TNFRSF21: variants seen among roughly 807,000 people sequenced by gnomAD.
TNFRSF21 encodes TNF receptor superfamily member 21.
Under a neutral mutation model 45.6 loss-of-function variants are expected in TNFRSF21, and 19 were observed. The ratio of observed to expected loss-of-function variants is 0.42; its 90% CI spans 0.29 to 0.61. The LOEUF is 0.61. Among genes scored for constraint, TNFRSF21 ranks in the 20% least tolerant of loss-of-function variants. The probability of loss-of-function intolerance (pLI) is 0.23; values close to 1 mark genes in which losing one functional copy is unlikely to be tolerated. For missense variants in TNFRSF21, 737 were observed against 851.5 expected, an observed-to-expected ratio of 0.87 and a Z score of 1.67; for synonymous variants, 314 against 335.5, an observed-to-expected ratio of 0.94 and a Z score of 0.70.
At chr6:47,243,697 T>C (rs1764782167) in intron 4 of TNFRSF21, among the ~76,000 whole-genome samples, 1 of 152,140 alleles carries the variant, frequency 6.6e-6, no homozygotes, top group Admixed American at 6.5e-5. Context: ...AGATTATAGG[T>C]GTGAGCCACT....
chr6:47,259,622 TC>T (rs1436897938), intron 3 of TNFRSF21, among the ~76,000 whole-genome samples: 1 of 152,068 alleles, frequency 6.6e-6, no homozygotes, highest in Non-Finnish European at 1.5e-5. Context: ...TGATCCACCT[TC>T]CTAGGCTTCC....
chr6:47,309,313 C>A, intron 1 of TNFRSF21, 103 bp downstream of exon 1: 1 of 1,422,156 alleles, frequency 7.0e-7, no homozygotes. Flanking sequence ...TCGGCCGGGC[C>A]CCGCGCCTCC....
At chr6:47,283,792 T>G in intron 3 of TNFRSF21, 146 bp downstream of exon 3, 1 of 1,035,220 alleles carries the variant, frequency 9.7e-7, no homozygotes, top group South Asian at 1.7e-5. Context: ...GGTCAATCTC[T>G]TTTTCTATAA....
At chr6:47,268,494 G>C (rs564565115) in intron 3 of TNFRSF21, among the ~76,000 whole-genome samples, 1 of 152,294 alleles carries the variant, frequency 6.6e-6, no homozygotes, top group African/African-American at 2.4e-5. Flanking sequence ...TTCAAGGAAA[G>C]GAGGCATAAA....
chr6:47,234,244 T>G (rs1464699850), intron 5 of TNFRSF21, among the ~76,000 whole-genome samples: 1 of 152,204 alleles, frequency 6.6e-6, no homozygotes, highest in Non-Finnish European at 1.5e-5. Context: ...TCCAAAGTGC[T>G]CGGATTACAG....
intron 3 of TNFRSF21, among the ~76,000 whole-genome samples, chr6:47,266,138 C>T (rs1456003672): frequency 6.6e-6 from 1 of 152,124 alleles, no homozygotes; most frequent in African/African-American, 2.4e-5. Context: ...CATTGCAAAT[C>T]GACTCCCACT....
At position 47,284,283 on chromosome 6, in the gene TNFRSF21, G is replaced by A. The variant is rs768688596; in HGVS notation, c.898C>T (p.His300Tyr). 1.2e-6 allele frequency: 2 copies of A among 1,611,268 alleles called. No homozygotes were observed. The highest frequency in any genetic ancestry group is 2.2e-5 in the South Asian group (2 of 90,496). The change falls in exon 3 of 6, where the codon CAC becomes TAC. Residue 300 changes from histidine (H) to tyrosine (Y), a missense_variant. By Grantham distance (83) the His-to-Tyr change is moderately conservative (BLOSUM62 2). Transcript: ENST00000296861. ...TGTCTGTGGTGGGGGCCTTGCTGGTGGTTGACTACCTGAAGGTTTGGGAGG... is the reference window on the plus strand; with the variant it reads ...TGTCTGTGGTGGGGGCCTTGCTGGTAGTTGACTACCTGAAGGTTTGGGAGG... Reference protein sequence around the residue: ...KTLPNLQVVNHQQGPHHRHIL... With the variant: ...KTLPNLQVVNYQQGPHHRHIL...
intron 1 of TNFRSF21, among the ~76,000 whole-genome samples, chr6:47,291,973 A>G (rs562513248): frequency 1.8e-4 from 27 of 152,300 alleles, no homozygotes; most frequent in African/African-American, 6.3e-4. Flanking sequence ...CTTTTAGTCA[A>G]CTCATGATCT....
chr6:47,262,325 C>G (rs1042043896), intron 3 of TNFRSF21, among the ~76,000 whole-genome samples: 8 of 152,108 alleles, frequency 5.3e-5, no homozygotes, highest in African/African-American at 1.9e-4. Context: ...CAAAAACATC[C>G]CTCCTTCCTG....
At chr6:47,308,731 CTGGCTGGAAGCCGGCGCTT>C (rs545578255) in intron 1 of TNFRSF21, among the ~76,000 whole-genome samples, 144 of 152,330 alleles carry the variant, frequency 9.5e-4, no homozygotes, top group Non-Finnish European at 1.5e-3. Flanking sequence ...GGCGCGCTGG[CTGGCTGGAAGCCGGCGCTT>C]TGGAGGCGCC....
At chr6:47,279,761 A>G (rs781213702) in intron 3 of TNFRSF21, among the ~76,000 whole-genome samples, 5 of 152,186 alleles carry the variant, frequency 3.3e-5, no homozygotes, top group Non-Finnish European at 7.4e-5. Flanking sequence ...CCTCTTAACT[A>G]TATTTTTATA....
At chr6:47,253,820 G>A (rs757691331) in intron 3 of TNFRSF21, among the ~76,000 whole-genome samples, 1 of 152,166 alleles carries the variant, frequency 6.6e-6, no homozygotes, top group Non-Finnish European at 1.5e-5. Flanking sequence ...GGTATTCACG[G>A]TGATTCCTCT....
intron 1 of TNFRSF21, among the ~76,000 whole-genome samples, chr6:47,306,227 A>C (rs768610668): frequency 1.1e-4 from 17 of 152,238 alleles, no homozygotes; most frequent in Non-Finnish European, 1.6e-4. Flanking sequence ...TAGAAGTGCA[A>C]GCAGCAAGAA....
chr6:47,295,688 G>A (rs1022436099), intron 1 of TNFRSF21, among the ~76,000 whole-genome samples: 1 of 152,062 alleles, frequency 6.6e-6, no homozygotes, highest in Non-Finnish European at 1.5e-5. Context: ...TTTGAAGCAG[G>A]GAAAAAGGAA....
At chr6:47,298,252 C>T (rs1218191005) in intron 1 of TNFRSF21, among the ~76,000 whole-genome samples, 1 of 132,022 alleles carries the variant, frequency 7.6e-6, no homozygotes, top group Non-Finnish European at 1.6e-5. Flanking sequence ...ACCAGTCTGG[C>T]AACATAGGCA....
In TNFRSF21 at chr6:47,253,551, G is replaced by T. The variant is rs751457049; in HGVS notation, c.1244-30C>A. On this transcript the variant is annotated intron_variant, in intron 3 of 5. Transcript: ENST00000296861. Reference sequence around the variant, plus strand: ...ACCAGAGAAAAAATAAAAAACAAATGAGGGCTTGTAAGGGAAGCTTCTTAC... The same window carrying T: ...ACCAGAGAAAAAATAAAAAACAAATTAGGGCTTGTAAGGGAAGCTTCTTAC... 2.3e-5 allele frequency: 37 copies of T among 1,600,380 alleles called. No individual in the cohort carries two copies. In the Admixed American group the frequency reaches 6.0e-4, roughly 26 times the overall value.
In TNFRSF21 at chr6:47,283,799, A is replaced by G. The variant is rs1762605306; in HGVS notation, c.1243+139T>C. Reference sequence around the variant, plus strand: ...AATGAGACGGTCAATCTCTTTTTCTATAACACGACTAGATCAAGTAGTGTT... The same window carrying G: ...AATGAGACGGTCAATCTCTTTTTCTGTAACACGACTAGATCAAGTAGTGTT... On this transcript the variant is annotated intron_variant, in intron 3 of 5. Transcript: ENST00000296861. 5 of 1,079,208 alleles carry G rather than the reference A, an allele frequency of 4.6e-6. No individual in the cohort carries two copies. In the South Asian group the frequency reaches 8.2e-5, roughly 18 times the overall value. The allele number at this position is 1,079,208 out of a possible 1,614,324, so 66.9% of individuals were successfully genotyped here.
At chr6:47,270,948 G>A (rs147707748) in intron 3 of TNFRSF21, among the ~76,000 whole-genome samples, 3,848 of 152,208 alleles carry the variant, frequency 0.025, 165 homozygotes, top group African/African-American at 0.087. Context: ...GAAATAAAGC[G>A]AGATGACAAG....
In TNFRSF21 at chr6:47,284,345, G is replaced by A. The variant is rs375366517; in HGVS notation, c.836C>T (p.Thr279Ile). ...SIQEGTVPDN[T>I]SSARGKEDVN... Reference sequence around the variant, plus strand: ...GTCTTCCTTCCCCCTTGCTGAGCTTGTGTTGTCAGGGACTGTCCCTTCCTG... The same window carrying A: ...GTCTTCCTTCCCCCTTGCTGAGCTTATGTTGTCAGGGACTGTCCCTTCCTG... Residue 279 changes from threonine to isoleucine, a missense_variant, in exon 3 of 6, where the codon ACA becomes ATA. Coordinates refer to ENST00000296861, the MANE Select transcript of TNFRSF21 (RefSeq NM_014452.5). 14 of 1,585,350 alleles carry A rather than the reference G, an allele frequency of 8.8e-6. No homozygotes were observed. The highest frequency in any genetic ancestry group is 1.1e-5 in the Non-Finnish European group (13 of 1,166,898).
Sources: gnomAD v4.1 joint callset for allele counts (sites outside exome capture counted in the v4.1 genomes callset) on GRCh38, gnomAD v4.1.1 for gene constraint, MANE v1.5 for transcripts, NCBI Gene and HGNC (gene_info 2026-07-23, HGNC 2026-07-21) for gene names.